The following BLM variants were observed in gnomAD, a reference collection of about 807,000 sequenced individuals.
BLM encodes BLM RecQ like helicase.
In BLM, 95 loss-of-function variants were observed where a neutral mutation model predicts 135.3. The ratio of observed to expected loss-of-function variants is 0.70; its 90% CI spans 0.59 to 0.83. The LOEUF is 0.83. Ranked by LOEUF, BLM falls within the 40% of genes least tolerant of loss-of-function variation. The probability of loss-of-function intolerance (pLI) is 0.00; values close to 1 mark genes in which losing one functional copy is unlikely to be tolerated. For missense variants in BLM, 1,518 were observed against 1,663.9 expected, an observed-to-expected ratio of 0.91 and a Z score of 1.53; for synonymous variants, 520 against 589.2, an observed-to-expected ratio of 0.88 and a Z score of 1.70.
In BLM at chr15:90,761,843, C is replaced by T. The variant is rs55987288; in HGVS notation, c.1882+588C>T. Among the ~76,000 whole-genome samples, 4 of 152,290 alleles carry T rather than the reference C, an allele frequency of 2.6e-5. No individual in the cohort carries two copies. In the East Asian group the frequency reaches 5.8e-4, roughly 22 times the overall value. On this transcript the variant is annotated intron_variant, in intron 7 of 21. Transcript: ENST00000355112. ...CAAATACTAAGTAGTTCCTGCCCTC[C>T]TGGAGCTCACAGCTTAGTGAGAGAG... is the stretch of plus-strand genomic sequence containing the variant.
intron 1 of BLM, among the ~76,000 whole-genome samples, chr15:90,745,117 A>C (rs1356853962): frequency 6.6e-6 from 1 of 152,184 alleles, no homozygotes; most frequent in Non-Finnish European, 1.5e-5. Flanking sequence ...AAAAAAATGC[A>C]TAAGGTATGC....
intron 12 of BLM, among the ~76,000 whole-genome samples, chr15:90,770,177 C>CCTTTTTTTTTT (rs1555420977): frequency 7.8e-6 from 1 of 128,214 alleles, no homozygotes. Flanking sequence ...TCCCCCCCCC[C>CCTTTTTTTTTT]TTTTTTTTTT....
rs567231193 is a variant in BLM at position 90,732,819 on chromosome 15, G to C, written c.-4-14570G>C. On this transcript the variant is annotated intron_variant, in intron 1 of 21. Coordinates refer to ENST00000355112, the MANE Select transcript of BLM (RefSeq NM_000057.4). ...AAAATTAAGATTTTTATCTTGGCTG[G>C]GCGCAGTGGCTCATGCCAGTAATCC... Among the ~76,000 whole-genome samples, 20 of 152,308 alleles carry C rather than the reference G, an allele frequency of 1.3e-4. No homozygotes were observed. The East Asian group carries it at 2.1e-3, about 16-fold the overall frequency.
At chr15:90,756,985 G>A (rs375721156) in intron 5 of BLM, among the ~76,000 whole-genome samples, 4 of 152,172 alleles carry the variant, frequency 2.6e-5, no homozygotes, top group Admixed American at 1.3e-4. Context: ...AAGATAAAGT[G>A]CCTAGTACAC....
intron 20 of BLM, 137 bp downstream of exon 20, chr15:90,809,396 G>A: frequency 7.1e-7 from 1 of 1,415,572 alleles, no homozygotes; most frequent in Non-Finnish European, 9.9e-7. Flanking sequence ...CCCCAGTGGT[G>A]TGCCAGTCAC....
chr15:90,761,355 A>C (rs1292209681), intron 7 of BLM, 100 bp downstream of exon 7: 2 of 953,876 alleles, frequency 2.1e-6, no homozygotes, highest in Non-Finnish European at 2.9e-6. Flanking sequence ...GCCTGAAAAC[A>C]TTGTTGCTAT....
intron 15 of BLM, among the ~76,000 whole-genome samples, chr15:90,791,655 TC>T (rs199920634): frequency 5.9e-5 from 9 of 152,016 alleles, no homozygotes; most frequent in East Asian, 1.9e-4. Flanking sequence ...TTTTTTTTTT[TC>T]AAGACCGAGT....
intron 1 of BLM, among the ~76,000 whole-genome samples, chr15:90,727,550 A>T (rs1157191976): frequency 6.6e-6 from 1 of 151,924 alleles, no homozygotes; most frequent in East Asian, 1.9e-4. Context: ...TCCTTCTGAG[A>T]GTCTGAAATT....
At chr15:90,784,327 CTTTTTT>C (rs769540432) in intron 13 of BLM, among the ~76,000 whole-genome samples, 11 of 70,024 alleles carry the variant, frequency 1.6e-4, no homozygotes, top group East Asian at 4.5e-4. Context: ...AATGGCTTTT[CTTTTTT>C]TTTTTTTTTT....
At chr15:90,787,302 C>G (rs1277583777) in intron 14 of BLM, among the ~76,000 whole-genome samples, 1 of 152,024 alleles carries the variant, frequency 6.6e-6, no homozygotes, top group South Asian at 2.1e-4. Context: ...ATCCGCCCGC[C>G]TCGGCCTCCC....
At chr15:90,810,963 C>G (rs1475021826) in intron 20 of BLM, among the ~76,000 whole-genome samples, 3 of 152,154 alleles carry the variant, frequency 2.0e-5, no homozygotes, top group African/African-American at 4.8e-5. Context: ...AACTTCAAGA[C>G]TATCACAAAT....
chr15:90,799,969 T>C (rs895859760), intron 17 of BLM, among the ~76,000 whole-genome samples: 3 of 152,178 alleles, frequency 2.0e-5, no homozygotes, highest in Non-Finnish European at 4.4e-5. Context: ...AGATGGGAGA[T>C]ACAAAGTTTT....
chr15:90,734,037 A>G (rs549667015), intron 1 of BLM, among the ~76,000 whole-genome samples: 86 of 152,286 alleles, frequency 5.6e-4, no homozygotes, highest in African/African-American at 1.9e-3. Flanking sequence ...AAATTATGTA[A>G]AAGTTCTAAA....
chr15:90,765,452 A>C, intron 9 of BLM, 38 bp downstream of exon 9: 1 of 1,462,582 alleles, frequency 6.8e-7, no homozygotes. Context: ...ACGCCTTAGA[A>C]ACAATTAAAT....
At chr15:90,808,812 G>A (rs1207098761) in intron 19 of BLM, 3 of 431,840 alleles carry the variant, frequency 6.9e-6, no homozygotes, top group East Asian at 4.8e-5. Context: ...GATGAGTACT[G>A]GCCATGGGAA....
intron 1 of BLM, among the ~76,000 whole-genome samples, chr15:90,742,415 C>G (rs1443072857): frequency 6.6e-6 from 1 of 152,064 alleles, no homozygotes; most frequent in Non-Finnish European, 1.5e-5. Context: ...TTGGAGTAGT[C>G]TTTTTGGCAG....
chr15:90,750,930 C>T (rs573491926), intron 3 of BLM, among the ~76,000 whole-genome samples: 4 of 152,222 alleles, frequency 2.6e-5, no homozygotes, highest in African/African-American at 9.6e-5. Flanking sequence ...GGGTTGCTGC[C>T]GTAAGATCCA....
chr15:90,811,190 A>G lies in BLM; in HGVS notation c.3875-15A>G. 6.2e-7 allele frequency: 1 copy of G among 1,612,414 alleles called. No homozygotes were observed. The highest frequency in any genetic ancestry group is 8.5e-7 in the Non-Finnish European group (1 of 1,179,898). ...TGCGACATCACCTGTAAACATCTGC[A>G]TTTTCCATTTGTAGCTGAAGACAGT... is the stretch of plus-strand genomic sequence containing the variant. On this transcript the variant is annotated splice_polypyrimidine_tract_variant and intron_variant, in intron 20 of 21. Coordinates refer to ENST00000355112, the MANE Select transcript of BLM (RefSeq NM_000057.4).
rs1025457134 is a variant in BLM at position 90,769,348 on chromosome 15, A to G, written c.2407-90A>G. ...CGAGTCTCCTATTTTACTGAAGAAT[A>G]AGGTAGTTCTTAATACATTGAGCAG... On this transcript the variant is annotated intron_variant, in intron 11 of 21. Coordinates refer to ENST00000355112, the MANE Select transcript of BLM (RefSeq NM_000057.4). 5.2e-5 allele frequency: 81 copies of G among 1,559,124 alleles called. No homozygotes were observed. In the Middle Eastern group the frequency reaches 8.4e-4, roughly 16 times the overall value.
Sources: gnomAD v4.1 joint callset for allele counts (sites outside exome capture counted in the v4.1 genomes callset) on GRCh38, gnomAD v4.1.1 for gene constraint, MANE v1.5 for transcripts, NCBI Gene and HGNC (gene_info 2026-07-23, HGNC 2026-07-21) for gene names.